Variants in ACAP2 observed in about 807,000 individuals in gnomAD.
The protein encoded by ACAP2 is ArfGAP with coiled-coil, ankyrin repeat and PH domains 2, also known as arf-GAP with coiled-coil, ANK repeat and PH domain-containing protein 2.
In ACAP2, 39 loss-of-function variants were observed where a neutral mutation model predicts 115.8. The ratio of observed to expected loss-of-function variants is 0.34; its 90% confidence interval spans 0.26 to 0.44. The LOEUF (loss-of-function observed/expected upper bound fraction) is 0.44, where lower values mean the gene tolerates loss of function less well. Among genes scored for constraint, ACAP2 ranks in the 20% least tolerant of loss-of-function variants. The pLI is 1.00. For synonymous variants in ACAP2, 289 were observed against 315.8 expected, an observed-to-expected ratio of 0.92 and a Z score of 0.90; for missense variants, 662 against 927.6, an observed-to-expected ratio of 0.71 and a Z score of 3.72.
intron 1 of ACAP2, among the ~76,000 whole-genome samples, chr3:195,438,790 T>C (rs1177976132): frequency 6.6e-6 from 1 of 152,258 alleles, no homozygotes; most frequent in Non-Finnish European, 1.5e-5. Context: ...CCGGGCATGG[T>C]GGCTTATGCC....
chr3:195,394,115 A>G (rs575643860), intron 1 of ACAP2, among the ~76,000 whole-genome samples: 36 of 152,248 alleles, frequency 2.4e-4, no homozygotes, highest in African/African-American at 8.4e-4. Flanking sequence ...TCCAAACACC[A>G]TCTCCCCAAG....
chr3:195,361,435 C>CAA (rs577868054), intron 4 of ACAP2, among the ~76,000 whole-genome samples: 4 of 91,766 alleles, frequency 4.4e-5, no homozygotes, highest in South Asian at 3.5e-4. Context: ...GACTCTGTCT[C>CAA]AAAAAAAAAA....
At chr3:195,363,085 T>TAA (rs1732478050) in intron 4 of ACAP2, among the ~76,000 whole-genome samples, 1 of 152,148 alleles carries the variant, frequency 6.6e-6, no homozygotes, top group Admixed American at 6.5e-5. Flanking sequence ...TTACAACTGA[T>TAA]AAATTCAGTA....
chr3:195,350,418 G>A (rs1731478489), intron 4 of ACAP2, among the ~76,000 whole-genome samples: 1 of 152,086 alleles, frequency 6.6e-6, no homozygotes, highest in Non-Finnish European at 1.5e-5. Context: ...CCAACAGTTT[G>A]AGAGGATCAC....
chr3:195,290,416 T>C (rs937128797), intron 20 of ACAP2, among the ~76,000 whole-genome samples: 4 of 152,264 alleles, frequency 2.6e-5, no homozygotes, highest in African/African-American at 9.6e-5. Context: ...ATGAGTTAAG[T>C]ACTACCTTAA....
chr3:195,442,704 G>T, intron 1 of ACAP2, 91 bp downstream of exon 1: 1 of 1,360,050 alleles, frequency 7.4e-7, no homozygotes, highest in Non-Finnish European at 9.9e-7. Context: ...AGCGGACGGC[G>T]GGGCCTCCTC....
chr3:195,354,992 T>A (rs1267516300), intron 4 of ACAP2, among the ~76,000 whole-genome samples: 2 of 152,094 alleles, frequency 1.3e-5, no homozygotes, highest in African/African-American at 4.8e-5. Flanking sequence ...GCCCTCTGAG[T>A]AGCTGGGACT....
chr3:195,429,357 CA>C (rs1391973745), intron 1 of ACAP2, among the ~76,000 whole-genome samples: 54 of 106,532 alleles, frequency 5.1e-4, no homozygotes, highest in African/African-American at 2.0e-3. Context: ...CCAGCCTGGG[CA>C]AAAGAGCAAG....
intron 1 of ACAP2, among the ~76,000 whole-genome samples, chr3:195,420,005 T>C (rs1714043749): frequency 6.6e-6 from 1 of 152,228 alleles, no homozygotes; most frequent in Admixed American, 6.5e-5. Context: ...TTCTTTTATA[T>C]AAACTTTAAA....
At chr3:195,295,968 C>A in intron 16 of ACAP2, 76 bp from the exon 17 acceptor site, 5 of 1,221,816 alleles carry the variant, frequency 4.1e-6, no homozygotes, top group Non-Finnish European at 5.7e-6. Context: ...CCATTATATA[C>A]TGAACATATT....
intron 1 of ACAP2, among the ~76,000 whole-genome samples, chr3:195,416,217 A>T (rs908326831): frequency 7.2e-5 from 11 of 151,940 alleles, no homozygotes; most frequent in African/African-American, 2.7e-4. Context: ...ATGGTGGCAC[A>T]TGCCTGTAGT....
intron 4 of ACAP2, 89 bp downstream of exon 4, chr3:195,380,920 C>T: frequency 8.7e-7 from 1 of 1,155,532 alleles, no homozygotes; most frequent in Non-Finnish European, 1.2e-6. Flanking sequence ...CATGTAATTC[C>T]CTTTTAGTCA....
intron 11 of ACAP2, 26 bp from the exon 12 acceptor site, chr3:195,307,349 T>C (rs748716414): frequency 1.3e-6 from 2 of 1,497,100 alleles, no homozygotes; most frequent in Admixed American, 1.8e-5. Context: ...CAAATTTCCA[T>C]ATTTTTCCAC....
chr3:195,314,704 C>G (rs1179228283), intron 10 of ACAP2, among the ~76,000 whole-genome samples: 2 of 152,084 alleles, frequency 1.3e-5, no homozygotes, highest in Non-Finnish European at 2.9e-5. Context: ...CATAAACAAT[C>G]CCAAAAAAAT....
rs1180407114 is a variant in ACAP2 at position 195,442,971 on chromosome 3, C to G, written c.-124G>C. 3 of 837,374 alleles carry G rather than the reference C, an allele frequency of 3.6e-6. No individual in the cohort carries two copies. Among genetic ancestry groups the G allele is most frequent in the East Asian group, 6.6e-5 (2 of 30,234 alleles). 51.9% of individuals were successfully genotyped at this position (837,374 alleles called of 1,614,324 possible). ...TAGCGTTGCGCGGAGCTGCGAAGGG[C>G]GCCTCGCCCGCTGGTCATAGCAGCC... On this transcript the variant is annotated 5_prime_UTR_variant, in exon 1 of 23. Coordinates refer to ENST00000326793, the MANE Select transcript of ACAP2 (RefSeq NM_012287.6).
At chr3:195,302,384 A>G (rs1560219149) in intron 13 of ACAP2, among the ~76,000 whole-genome samples, 1 of 152,230 alleles carries the variant, frequency 6.6e-6, no homozygotes. Context: ...AGAAACGTGT[A>G]AACATTTAAA....
chr3:195,308,752 G>C (rs775127209), intron 11 of ACAP2, 34 bp downstream of exon 11: 1 of 1,544,504 alleles, frequency 6.5e-7, no homozygotes, highest in Non-Finnish European at 8.9e-7. Flanking sequence ...ACTGAAACTG[G>C]TAACTCACTG....
intron 4 of ACAP2, among the ~76,000 whole-genome samples, chr3:195,361,538 G>A (rs1732373045): frequency 6.6e-6 from 1 of 151,700 alleles, no homozygotes; most frequent in African/African-American, 2.4e-5. Flanking sequence ...GCAGTATTAA[G>A]AGGAAAGTTT....
intron 4 of ACAP2, among the ~76,000 whole-genome samples, chr3:195,347,285 C>T (rs866881347): frequency 6.6e-6 from 1 of 152,020 alleles, no homozygotes; most frequent in Non-Finnish European, 1.5e-5. Flanking sequence ...GGAACACTAA[C>T]AACATTTAAG....
Sources: gnomAD v4.1 joint callset for allele counts (sites outside exome capture counted in the v4.1 genomes callset) on GRCh38, gnomAD v4.1.1 for gene constraint, MANE v1.5 for transcripts, NCBI Gene and HGNC (gene_info 2026-07-23, HGNC 2026-07-21) for gene names.